CRISPLD2: variants seen among roughly 807,000 people sequenced by gnomAD.
CRISPLD2 encodes cysteine-rich secretory protein LCCL domain-containing 2.
Under a neutral mutation model 71.1 loss-of-function variants are expected in CRISPLD2, and 47 were observed. The observed-to-expected ratio is 0.66, with a 90% CI of 0.52 to 0.84. The LOEUF (loss-of-function observed/expected upper bound fraction) is 0.84. Among genes scored for constraint, CRISPLD2 ranks in the 40% least tolerant of loss-of-function variants. CRISPLD2 has a pLI of 0.00. For missense variants in CRISPLD2, 830 were observed against 651.1 expected (o/e 1.27, Z -2.99); for synonymous variants, 317 against 250.1 (o/e 1.27, Z -2.52).
chr16:84,868,728 C>T (rs1917610026), intron 7 of CRISPLD2, 123 bp from the exon 8 acceptor site: 5 of 814,864 alleles, frequency 6.1e-6, no homozygotes, highest in African/African-American at 1.7e-5. Context: ...AGGCATTGCC[C>T]TTGCTCTTAG....
At chr16:84,832,035 G>A (rs547211072) in intron 1 of CRISPLD2, among the ~76,000 whole-genome samples, 8 of 152,284 alleles carry the variant, frequency 5.3e-5, no homozygotes, top group African/African-American at 1.7e-4. Flanking sequence ...ATGTCCAGCC[G>A]GATTTTTAAA....
intron 2 of CRISPLD2, among the ~76,000 whole-genome samples, chr16:84,842,519 G>T (rs1916802550): frequency 6.6e-6 from 1 of 151,554 alleles, no homozygotes; most frequent in Non-Finnish European, 1.5e-5. Flanking sequence ...AACGACAGGT[G>T]CGCACCAGCA....
At position 84,873,837 on chromosome 16, in the gene CRISPLD2, T is replaced by C. The variant is rs1353650773; in HGVS notation, c.1113-83T>C. 3.2e-6 allele frequency: 4 copies of C among 1,269,392 alleles called. No homozygotes were observed. In the Admixed American group the frequency reaches 6.5e-5, roughly 21 times the overall value. 78.6% of individuals were successfully genotyped at this position (1,269,392 alleles called of 1,614,324 possible). A position where few individuals can be genotyped will look rare whatever the true frequency, so the allele number is the denominator to read the frequency against. On this transcript the variant is annotated intron_variant, in intron 10 of 14. Coordinates refer to ENST00000262424, the MANE Select transcript of CRISPLD2 (RefSeq NM_031476.4). ...AAGTCGAGACTGCAAATAAGATAAGTATAGGAGCAAGCGTTCACTTTTAGA... is the reference window on the plus strand; with the variant it reads ...AAGTCGAGACTGCAAATAAGATAAGCATAGGAGCAAGCGTTCACTTTTAGA...
At chr16:84,850,877 T>G (rs1917070362) in intron 5 of CRISPLD2, among the ~76,000 whole-genome samples, 194 bp downstream of exon 5, 1 of 152,176 alleles carries the variant, frequency 6.6e-6, no homozygotes. Flanking sequence ...TCCGTCTTCC[T>G]GCCGTACCAT....
Position 84,906,719 on chromosome 16 carries a change from G to T in CRISPLD2, c.*77G>T, listed in dbSNP as rs749661522. The T allele has an allele frequency of 2.0e-6, 3 of 1,513,608 alleles. No homozygotes were observed. Among genetic ancestry groups the T allele is most frequent in the African/African-American group, 1.4e-5 (1 of 72,906 alleles). 93.8% of individuals were successfully genotyped at this position (1,513,608 alleles called of 1,614,324 possible). On this transcript the variant is annotated 3_prime_UTR_variant, in exon 15 of 15. Coordinates refer to ENST00000262424, the MANE Select transcript of CRISPLD2 (RefSeq NM_031476.4). ...GCTTTTATTTTTATTTTGTCATTGC[G>T]GGGTATATGGAGAGTCAGGAAACTT...
chr16:84,850,822 G>A (rs904898757), intron 5 of CRISPLD2, 139 bp downstream of exon 5: 1 of 672,092 alleles, frequency 1.5e-6, no homozygotes, highest in Admixed American at 2.3e-5. Flanking sequence ...AGTGCATCTG[G>A]GTTAGCGTAA....
At chr16:84,880,707 A>C in intron 13 of CRISPLD2, 123 bp downstream of exon 13, 2 of 581,800 alleles carry the variant, frequency 3.4e-6, no homozygotes, top group Non-Finnish European at 3.0e-6. Context: ...TAATTAATTA[A>C]TTAATTAATT....
intron 1 of CRISPLD2, among the ~76,000 whole-genome samples, chr16:84,824,518 G>A (rs573176353): frequency 3.7e-4 from 56 of 152,190 alleles, no homozygotes; most frequent in African/African-American, 1.1e-3. Context: ...CTGTTCTTCC[G>A]GTCCTTCTGC....
intron 7 of CRISPLD2, among the ~76,000 whole-genome samples, chr16:84,867,550 G>A (rs1190463582): frequency 6.6e-6 from 1 of 152,212 alleles, no homozygotes; most frequent in Admixed American, 6.5e-5. Context: ...CCTGTACATT[G>A]AGATCATTGC....
intron 14 of CRISPLD2, among the ~76,000 whole-genome samples, chr16:84,895,442 C>A (rs1033212537): frequency 6.6e-6 from 1 of 152,180 alleles, no homozygotes; most frequent in Non-Finnish European, 1.5e-5. Context: ...AATAATACAT[C>A]CAGAGAGCAA....
chr16:84,857,733 C>A (rs1917279943), intron 6 of CRISPLD2, among the ~76,000 whole-genome samples: 1 of 152,166 alleles, frequency 6.6e-6, no homozygotes, highest in South Asian at 2.1e-4. Context: ...CATCTGTCAA[C>A]TGATCATAGG....
chr16:84,848,871 C>T lies in CRISPLD2; in HGVS notation c.360-514C>T, dbSNP rs1318650319. On this transcript the variant is annotated intron_variant, in intron 3 of 14. Transcript: ENST00000262424. ...CACCTAATTGACATAAGAAAGGACT[C>T]ATTACTTGGGAGGCTGAGGCAGGAG... Among the ~76,000 whole-genome samples, 4 of 150,264 alleles carry T rather than the reference C, an allele frequency of 2.7e-5. No homozygotes were observed. In the Admixed American group the frequency reaches 2.7e-4, roughly 10 times the overall value.
chr16:84,875,257 ATGTGTG>A (rs138882523), intron 11 of CRISPLD2, among the ~76,000 whole-genome samples: 7 of 148,336 alleles, frequency 4.7e-5, no homozygotes, highest in African/African-American at 1.5e-4. Flanking sequence ...ATATATACAT[ATGTGTG>A]TGTGTGTGTG....
chr16:84,844,607 C>T (rs1174679761), intron 2 of CRISPLD2, among the ~76,000 whole-genome samples: 3 of 152,074 alleles, frequency 2.0e-5, no homozygotes, highest in Non-Finnish European at 4.4e-5. Flanking sequence ...AAGTGATCTG[C>T]CCGCCTCAGC....
chr16:84,897,033 G>C (rs551297783), intron 14 of CRISPLD2, among the ~76,000 whole-genome samples: 1 of 152,332 alleles, frequency 6.6e-6, no homozygotes, highest in East Asian at 1.9e-4. Flanking sequence ...AGGCAATTGA[G>C]GGGGATGCAG....
chr16:84,870,866 C>T (rs1391469754), intron 8 of CRISPLD2, among the ~76,000 whole-genome samples: 1 of 151,952 alleles, frequency 6.6e-6, no homozygotes. Flanking sequence ...TGAGACCAGC[C>T]TGGGCAACTG....
chr16:84,871,052 G>T (rs1308842344), intron 8 of CRISPLD2, among the ~76,000 whole-genome samples: 1 of 152,116 alleles, frequency 6.6e-6, no homozygotes, highest in East Asian at 1.9e-4. Context: ...ATGAGACTCT[G>T]TCTCAAAAAT....
chr16:84,852,660 G>A (rs1917122034), intron 5 of CRISPLD2, among the ~76,000 whole-genome samples: 1 of 152,134 alleles, frequency 6.6e-6, no homozygotes, highest in South Asian at 2.1e-4. Flanking sequence ...GGTGAGTTTG[G>A]GTGTGGGGGG....
intron 14 of CRISPLD2, among the ~76,000 whole-genome samples, chr16:84,904,216 C>T (rs1192206234): frequency 6.6e-6 from 1 of 152,126 alleles, no homozygotes; most frequent in East Asian, 1.9e-4. Flanking sequence ...TTAGGCTTCC[C>T]AATTCTGAAA....
Sources: allele counts gnomAD v4.1 joint callset (sites outside exome capture counted in the v4.1 genomes callset), GRCh38; gene constraint gnomAD v4.1.1; transcripts MANE v1.5; gene names NCBI Gene and HGNC (gene_info 2026-07-23, HGNC 2026-07-21).